The following GALNTL6 variants were observed in gnomAD, a reference collection of about 807,000 sequenced individuals.
GALNTL6 encodes the protein polypeptide N-acetylgalactosaminyltransferase-like 6.
A neutral mutation model predicts 73.7 loss-of-function variants in GALNTL6; 46 were observed. That is an observed-to-expected ratio of 0.62 (90% CI 0.49 to 0.80). The LOEUF (loss-of-function observed/expected upper bound fraction) is 0.80, where lower values mean the gene tolerates loss of function less well. Among genes scored for constraint, GALNTL6 ranks in the 30% least tolerant of loss-of-function variants. The pLI is 0.00. For synonymous variants in GALNTL6, 259 were observed against 263.7 expected, an observed-to-expected ratio of 0.98 and a Z score of 0.17; for missense variants, 604 against 755.0, an observed-to-expected ratio of 0.80 and a Z score of 2.34.
intron 10 of GALNTL6, among the ~76,000 whole-genome samples, chr4:172,963,560 T>A (rs183256620): frequency 1.8e-4 from 28 of 152,288 alleles, no homozygotes; most frequent in Admixed American, 1.5e-3. Context: ...TTCATAAATA[T>A]TTGTTGAATG....
chr4:171,853,147 G>GCCA (rs1735571442), intron 2 of GALNTL6, among the ~76,000 whole-genome samples: 1 of 151,636 alleles, frequency 6.6e-6, no homozygotes. Flanking sequence ...ACAGGCGTGA[G>GCCA]CCACCGCGCC....
intron 5 of GALNTL6, among the ~76,000 whole-genome samples, chr4:172,592,005 G>A (rs994522604): frequency 6.6e-6 from 1 of 152,240 alleles, no homozygotes; most frequent in Admixed American, 6.5e-5. Context: ...GTCTCCATCT[G>A]CATTAAAAGC....
chr4:172,462,280 T>C (rs1202498567), intron 5 of GALNTL6, among the ~76,000 whole-genome samples: 2 of 152,168 alleles, frequency 1.3e-5, no homozygotes, highest in African/African-American at 2.4e-5. Context: ...ATCCATCTCT[T>C]TATTCTGTTC....
At chr4:172,789,486 T>C (rs967808318) in intron 5 of GALNTL6, among the ~76,000 whole-genome samples, 2 of 152,168 alleles carry the variant, frequency 1.3e-5, no homozygotes, top group Non-Finnish European at 2.9e-5. Flanking sequence ...ATATAATTCT[T>C]CTTCCAATGT....
intron 2 of GALNTL6, among the ~76,000 whole-genome samples, chr4:171,849,752 C>T (rs1191265934): frequency 6.6e-6 from 1 of 152,116 alleles, no homozygotes; most frequent in Non-Finnish European, 1.5e-5. Context: ...AGAAGGTGGC[C>T]ATGCCGCAGG....
chr4:172,238,710 C>G (rs1237761582), intron 3 of GALNTL6, among the ~76,000 whole-genome samples: 1 of 151,982 alleles, frequency 6.6e-6, no homozygotes, highest in African/African-American at 2.4e-5. Context: ...CAGCTTTTGT[C>G]TGTTCTGTAT....
intron 5 of GALNTL6, among the ~76,000 whole-genome samples, chr4:172,623,740 G>T (rs1178514793): frequency 1.3e-5 from 2 of 152,092 alleles, no homozygotes; most frequent in Non-Finnish European, 2.9e-5. Flanking sequence ...TTCCAGTCTT[G>T]TCCATTCAGA....
At chr4:172,424,907 C>T (rs1444470729) in intron 5 of GALNTL6, among the ~76,000 whole-genome samples, 1 of 35,842 alleles carries the variant, frequency 2.8e-5, no homozygotes, top group Non-Finnish European at 6.7e-5. Flanking sequence ...TCATAGAAAA[C>T]TATGCAAGTT....
intron 2 of GALNTL6, among the ~76,000 whole-genome samples, chr4:172,044,488 A>G (rs1742167004): frequency 6.6e-6 from 1 of 151,924 alleles, no homozygotes; most frequent in Admixed American, 6.6e-5. Flanking sequence ...ATCTTCAGAT[A>G]TATGCCTTTC....
At chr4:172,903,696 G>T (rs999859000) in intron 8 of GALNTL6, among the ~76,000 whole-genome samples, 1 of 152,112 alleles carries the variant, frequency 6.6e-6, no homozygotes, top group African/African-American at 2.4e-5. Flanking sequence ...CATTCTCTGT[G>T]ATTTCTAGTT....
chr4:172,205,552 A>G (rs971056163), intron 2 of GALNTL6, among the ~76,000 whole-genome samples: 1 of 152,208 alleles, frequency 6.6e-6, no homozygotes, highest in Non-Finnish European at 1.5e-5. Flanking sequence ...AGCTAGGTCA[A>G]AGGACAGTTC....
chr4:172,076,716 T>C (rs1295914224), intron 2 of GALNTL6, among the ~76,000 whole-genome samples: 2 of 152,204 alleles, frequency 1.3e-5, no homozygotes, highest in African/African-American at 2.4e-5. Context: ...TAAGTAAAGC[T>C]CATAAAGATA....
At chr4:172,519,049 A>G (rs978300765) in intron 5 of GALNTL6, among the ~76,000 whole-genome samples, 6 of 151,512 alleles carry the variant, frequency 4.0e-5, no homozygotes, top group African/African-American at 9.7e-5. Context: ...GCCATTCACA[A>G]CTTAAATTTT....
intron 2 of GALNTL6, among the ~76,000 whole-genome samples, chr4:171,838,066 G>T (rs1018582419): frequency 4.0e-5 from 6 of 151,624 alleles, no homozygotes; most frequent in African/African-American, 1.5e-4. Flanking sequence ...TTCTTTATTT[G>T]CTTTATTGTG....
In GALNTL6 at chr4:173,004,037, G is replaced by A. The variant is rs534528140; in HGVS notation, c.1372-5141G>A. On this transcript the variant is annotated intron_variant, in intron 10 of 12. Coordinates refer to ENST00000506823, the MANE Select transcript of GALNTL6 (RefSeq NM_001034845.3). The stretch of plus-strand genomic sequence containing the variant: ...ATCACTCTCAGAATGTTGACTTCCT[G>A]TAAATGGATGAATTGAGCTTTAAAA... Among the ~76,000 whole-genome samples, 28 of 152,294 alleles carry A rather than the reference G, an allele frequency of 1.8e-4. No individual in the cohort carries two copies. The South Asian group carries it at 5.8e-3, about 32-fold the overall frequency.
At chr4:171,984,613 A>G (rs1740010309) in intron 2 of GALNTL6, among the ~76,000 whole-genome samples, 1 of 152,182 alleles carries the variant, frequency 6.6e-6, no homozygotes, top group Admixed American at 6.5e-5. Flanking sequence ...AGTTAAATCA[A>G]CTTACTTTGT....
chr4:172,042,864 TAAAAAAAAAAA>T (rs397996272), intron 2 of GALNTL6, among the ~76,000 whole-genome samples: 6 of 44,402 alleles, frequency 1.4e-4, no homozygotes, highest in Admixed American at 3.8e-4. Flanking sequence ...TCTTTAACAG[TAAAAAAAAAAA>T]AAAAAAAAAA....
intron 5 of GALNTL6, among the ~76,000 whole-genome samples, chr4:172,461,993 A>G (rs1376533167): frequency 6.6e-6 from 1 of 152,132 alleles, no homozygotes; most frequent in Non-Finnish European, 1.5e-5. Flanking sequence ...AAATAGAAAA[A>G]AAAGGCAGAG....
At chr4:172,213,399 T>C (rs1736394577) in intron 2 of GALNTL6, among the ~76,000 whole-genome samples, 1 of 152,218 alleles carries the variant, frequency 6.6e-6, no homozygotes, top group Non-Finnish European at 1.5e-5. Context: ...GGAGAATTCC[T>C]GTTGCTTTAC....
Sources: allele counts gnomAD v4.1 joint callset (sites outside exome capture counted in the v4.1 genomes callset), GRCh38; gene constraint gnomAD v4.1.1; transcripts MANE v1.5; gene names NCBI Gene and HGNC (gene_info 2026-07-23, HGNC 2026-07-21).